Variants in MAP4K1 observed in about 807,000 individuals in gnomAD.
MAP4K1 encodes the protein mitogen-activated protein kinase kinase kinase kinase 1.
Under a neutral mutation model 122.8 loss-of-function variants are expected in MAP4K1, and 35 were observed. That is an observed-to-expected ratio of 0.29 (90% CI 0.22 to 0.38). The LOEUF (loss-of-function observed/expected upper bound fraction) is 0.38, where lower values mean the gene tolerates loss of function less well. MAP4K1 is among the 10% of genes least tolerant of loss of function. The pLI is 1.00. For missense variants in MAP4K1, 791 were observed against 1,072.6 expected (o/e 0.74, Z 3.67); for synonymous variants, 412 against 421.3 (o/e 0.98, Z 0.27).
At position 38,611,044 on chromosome 19, in the gene MAP4K1, G is replaced by A. The variant is rs779806303; in HGVS notation, c.810+7C>T. On this transcript the variant is annotated splice_region_variant and intron_variant, in intron 11 of 30. Transcript: ENST00000396857. ...TAGGCTGAGGATCTTGGGGAAGGGA[G>A]GGTTACACTGAGCATCTTGGTGGCG... 8 of 1,608,766 alleles carry A rather than the reference G, an allele frequency of 5.0e-6. No homozygotes were observed. The highest frequency in any genetic ancestry group is 5.1e-6 in the Non-Finnish European group (6 of 1,176,560).
rs951303777 is a variant in MAP4K1 at position 38,593,708 on chromosome 19, G to A, written c.2341-371C>T. On this transcript the variant is annotated intron_variant, in intron 29 of 30. Transcript: ENST00000396857. Reference sequence around the variant, plus strand: ...GAGATCTCCAGCTGAGATAATTTTTGTATTTCTACTGAAAATACAAAAATT... The same window carrying A: ...GAGATCTCCAGCTGAGATAATTTTTATATTTCTACTGAAAATACAAAAATT... 2.0e-5 allele frequency among the ~76,000 whole-genome samples: 3 copies of A among 152,120 alleles called. No homozygotes were observed. The South Asian group carries it at 6.2e-4, about 31-fold the overall frequency.
At chr19:38,612,866 G>T in intron 8 of MAP4K1, 124 bp from the exon 9 acceptor site, 2 of 1,037,934 alleles carry the variant, frequency 1.9e-6, no homozygotes, top group Non-Finnish European at 2.9e-6. Flanking sequence ...GAGACAGAGG[G>T]ACAGGAGTAA....
chr19:38,614,178 C>T, intron 6 of MAP4K1, 67 bp downstream of exon 6: 1 of 1,608,910 alleles, frequency 6.2e-7, no homozygotes, highest in Non-Finnish European at 8.5e-7. Flanking sequence ...GATCCCTGAG[C>T]CCCTGAAATG....
At chr19:38,599,879 A>G in intron 22 of MAP4K1, 46 bp downstream of exon 22, 1 of 1,582,538 alleles carries the variant, frequency 6.3e-7, no homozygotes, top group East Asian at 2.2e-5. Flanking sequence ...GAACCCTTGG[A>G]CCCCTTAACT....
At position 38,617,856 on chromosome 19, in the gene MAP4K1, G is replaced by C; in HGVS notation, c.40C>G (p.Arg14Gly). 6.2e-7 allele frequency: 1 copy of C among 1,614,154 alleles called. No homozygotes were observed. Reference sequence around the variant, plus strand: ...CGCTGTAGCAGGTCATAGTGGTCCCGGGGGTCTCTATTGAAAATGTCAGGG... The same window carrying C: ...CGCTGTAGCAGGTCATAGTGGTCCCCGGGGTCTCTATTGAAAATGTCAGGG... ...VDPDIFNRDP[R>G]DHYDLLQRLG... Residue 14 changes from arginine (R) to glycine (G), a missense_variant, in exon 1 of 31, where the codon CGG (arginine) becomes GGG (glycine). Transcript: ENST00000396857. The surrounding 1 kb of genome is among the most constrained non-coding windows in gnomAD (Gnocchi z 4.1).
In MAP4K1 at chr19:38,593,310, G is replaced by T; in HGVS notation, c.2368C>A (p.Leu790Ile). 1 of 1,612,340 alleles carries T rather than the reference G, an allele frequency of 6.2e-7. No homozygotes were observed. Among genetic ancestry groups the T allele is most frequent in the Non-Finnish European group, 8.5e-7 (1 of 1,179,172 alleles). The change falls in exon 30 of 31, where the codon CTC becomes ATC. Residue 790 changes from leucine (L) to isoleucine (I), a missense_variant. Around this residue, in one of 4 missense-constraint regions of MAP4K1, gnomAD observed 267 missense variants for 323.0 expected, o/e 0.83. Coordinates refer to ENST00000396857, the MANE Select transcript of MAP4K1 (RefSeq NM_001042600.3). ...QLLQELRDPT[L>I]TFRLLGSPRP... is the part of the protein sequence containing the mutation. ...GGGGAGCCAAGCAGACGGAAAGTGA[G>T]GGTAGGGTCTCTCAGCTCCTGTAGC...
chr19:38,599,052 G>C (rs930171023), intron 22 of MAP4K1, among the ~76,000 whole-genome samples: 2 of 147,732 alleles, frequency 1.4e-5, no homozygotes, highest in Non-Finnish European at 3.0e-5. Context: ...ATTTAGGCCA[G>C]GTGCGGTGGC....
intron 30 of MAP4K1, among the ~76,000 whole-genome samples, chr19:38,590,142 T>C (rs902859367): frequency 2.0e-5 from 3 of 151,604 alleles, no homozygotes; most frequent in Non-Finnish European, 2.9e-5. Flanking sequence ...CAAACTAGCA[T>C]TGTGTACTTC....
Position 38,612,606 on chromosome 19 carries a change from C to G in MAP4K1, c.665+5G>C. Reference sequence around the variant, plus strand: ...TCTGGGCCTGGGGACCCCACGCCTGCCTACCTGAGAGGGTGCACATCAAAG... The same window carrying G: ...TCTGGGCCTGGGGACCCCACGCCTGGCTACCTGAGAGGGTGCACATCAAAG... On this transcript the variant is annotated splice_donor_5th_base_variant and intron_variant, in intron 9 of 30. Coordinates refer to ENST00000396857, the MANE Select transcript of MAP4K1 (RefSeq NM_001042600.3). The G allele has an allele frequency of 6.2e-7, 1 of 1,611,460 alleles. No individual in the cohort carries two copies. Among genetic ancestry groups the G allele is most frequent in the Non-Finnish European group, 8.5e-7 (1 of 1,179,488 alleles).
rs1031450037 is a variant in MAP4K1 at position 38,597,884 on chromosome 19, T to C, written c.1670-290A>G. Among the ~76,000 whole-genome samples the C allele has an allele frequency of 4.6e-5, 7 of 152,118 alleles. No individual in the cohort carries two copies. The highest frequency in any genetic ancestry group is 7.2e-5 in the African/African-American group (3 of 41,426). ...TCAGAAACTCTGGACACATAACCAG[T>C]CAGATGAAGTTACACATCTTACAAA... On this transcript the variant is annotated intron_variant, in intron 22 of 30. Coordinates refer to ENST00000396857, the MANE Select transcript of MAP4K1 (RefSeq NM_001042600.3). This position sits in a 1 kb window ranked among gnomAD's most constrained non-coding sequence, Gnocchi z 4.6.
At chr19:38,602,538 A>G (rs192250023) in intron 19 of MAP4K1, among the ~76,000 whole-genome samples, 3 of 147,818 alleles carry the variant, frequency 2.0e-5, no homozygotes, top group East Asian at 1.9e-4. Context: ...ACATATATAC[A>G]CATATACATA....
rs1410277080 is a variant in MAP4K1 at position 38,605,417 on chromosome 19, T to C, written c.1438A>G (p.Lys480Glu). ...GCAGAGCTGAACCTCACCTTTCTCT[T>C]CATCTTTTCCTTCTTGGGGGGCAGA... ...PLLPPKKEKM[K>E]RKGCALLVKL... is the part of the protein sequence containing the mutation. Residue 480 changes from lysine to glutamate, a missense_variant, in exon 19 of 31, where the codon AAG (lysine) becomes GAG (glutamate). Lys to Glu is a moderately conservative substitution (Grantham distance 56). This residue lies in a region of MAP4K1 where 303 missense variants were observed against 344.8 expected (regional missense o/e 0.88). Coordinates refer to ENST00000396857, the MANE Select transcript of MAP4K1 (RefSeq NM_001042600.3). The C allele has an allele frequency of 6.3e-7, 1 of 1,597,014 alleles. No individual in the cohort carries two copies. The highest frequency in any genetic ancestry group is 8.5e-7 in the Non-Finnish European group (1 of 1,172,954).
chr19:38,615,603 G>T (rs116085260), intron 4 of MAP4K1, among the ~76,000 whole-genome samples: 4 of 152,100 alleles, frequency 2.6e-5, no homozygotes, highest in African/African-American at 7.2e-5. Context: ...GAGAGAGGCC[G>T]TCAGACATCA....
chr19:38,612,498 C>T (rs1975526998), intron 9 of MAP4K1, 113 bp downstream of exon 9: 2 of 893,858 alleles, frequency 2.2e-6, no homozygotes, highest in East Asian at 3.0e-5. Context: ...AAGGTAGGCT[C>T]AAGTGGTGAT....
chr19:38,609,885 G>A, intron 12 of MAP4K1, 24 bp downstream of exon 12: 1 of 1,591,018 alleles, frequency 6.3e-7, no homozygotes, highest in Admixed American at 1.7e-5. Context: ...GGTCCCCAGT[G>A]CTCTTGTCAG....
chr19:38,593,666 G>A (rs939487665), intron 29 of MAP4K1, among the ~76,000 whole-genome samples: 4 of 152,072 alleles, frequency 2.6e-5, no homozygotes, highest in African/African-American at 9.7e-5. Flanking sequence ...TGCGCCACTG[G>A]GCGTGCCACT....
chr19:38,607,309 G>T (rs1422316874), intron 16 of MAP4K1, among the ~76,000 whole-genome samples: 1 of 151,966 alleles, frequency 6.6e-6, no homozygotes, highest in Non-Finnish European at 1.5e-5. Context: ...ACCTGTAATC[G>T]CAGCACTTTG....
rs1974866149 is a variant in MAP4K1 at position 38,596,059 on chromosome 19, AC to A, written c.2117-59del. The A allele has an allele frequency of 5.2e-6, 8 of 1,531,766 alleles. No individual in the cohort carries two copies. In the Admixed American group the frequency reaches 1.2e-4, roughly 23 times the overall value. 94.9% of individuals were successfully genotyped at this position (1,531,766 alleles called of 1,614,324 possible). A position where few individuals can be genotyped will look rare whatever the true frequency, so the allele number is the denominator to read the frequency against. ...CACCCCATTCCCCTTTCCCCACACCACCCCCAGAAGGCCAGTACCTGTGCTT... is the reference window on the plus strand; with the variant it reads ...CACCCCATTCCCCTTTCCCCACACCACCCCAGAAGGCCAGTACCTGTGCTT... On this transcript the variant is annotated intron_variant, in intron 26 of 30. Coordinates refer to ENST00000396857, the MANE Select transcript of MAP4K1 (RefSeq NM_001042600.3).
chr19:38,590,763 C>T (rs1228282037), intron 30 of MAP4K1, among the ~76,000 whole-genome samples: 1 of 151,878 alleles, frequency 6.6e-6, no homozygotes, highest in Non-Finnish European at 1.5e-5. Context: ...GCGTGAGCCA[C>T]CACACCTGGC....
Sources: allele counts gnomAD v4.1 joint callset (sites outside exome capture counted in the v4.1 genomes callset), GRCh38; gene constraint gnomAD v4.1.1; regional missense constraint gnomAD v4.1.1; non-coding constraint Gnocchi (gnomAD v3.1); transcripts MANE v1.5; gene names NCBI Gene and HGNC (gene_info 2026-07-23, HGNC 2026-07-21).